NRCAM: variants seen among roughly 807,000 people sequenced by gnomAD.
NRCAM encodes the protein NgCAM-related cell adhesion molecule.
In NRCAM, 83 loss-of-function variants were observed where a neutral mutation model predicts 156.5. That is an observed-to-expected ratio of 0.53 (90% confidence interval 0.44 to 0.64). The LOEUF (loss-of-function observed/expected upper bound fraction) is 0.64, where lower values mean the gene tolerates loss of function less well. Among genes scored for constraint, NRCAM ranks in the 30% least tolerant of loss-of-function variants. The pLI is 0.00. For missense variants in NRCAM, 1,417 were observed against 1,597.3 expected, an observed-to-expected ratio of 0.89 and a Z score of 1.92; for synonymous variants, 538 against 563.9, an observed-to-expected ratio of 0.95 and a Z score of 0.65.
At chr7:108,220,341 A>G (rs1375865312) in intron 11 of NRCAM, among the ~76,000 whole-genome samples, 1 of 152,210 alleles carries the variant, frequency 6.6e-6, no homozygotes, top group Non-Finnish European at 1.5e-5. Context: ...GAATTAGAAA[A>G]AAACATTCTA....
intron 17 of NRCAM, among the ~76,000 whole-genome samples, chr7:108,193,780 T>C (rs1236952221): frequency 6.6e-6 from 1 of 152,228 alleles, no homozygotes; most frequent in Non-Finnish European, 1.5e-5. Context: ...TTTCCCATCC[T>C]GAATTACACA....
chr7:108,269,651 A>T (rs1321688871), intron 3 of NRCAM, among the ~76,000 whole-genome samples: 1 of 152,244 alleles, frequency 6.6e-6, no homozygotes, highest in African/African-American at 2.4e-5. Flanking sequence ...AAAGGTAATG[A>T]ATACAAAGCT....
chr7:108,261,080 G>A (rs1160559736), intron 3 of NRCAM, among the ~76,000 whole-genome samples: 1 of 152,096 alleles, frequency 6.6e-6, no homozygotes, highest in East Asian at 1.9e-4. Flanking sequence ...TGGACAGAAA[G>A]GGGCTGAAAA....
chr7:108,226,466 TCTGTG>T, intron 8 of NRCAM, 88 bp from the exon 9 acceptor site: 3 of 802,758 alleles, frequency 3.7e-6, no homozygotes, highest in Non-Finnish European at 4.0e-6. Context: ...TACTAATAGG[TCTGTG>T]AACTTCATTT....
intron 13 of NRCAM, among the ~76,000 whole-genome samples, chr7:108,206,161 G>A (rs1053254714): frequency 1.3e-5 from 2 of 152,196 alleles, no homozygotes; most frequent in Admixed American, 6.5e-5. Context: ...AGACACAAGT[G>A]AACTTCCAAT....
At chr7:108,270,587 C>T (rs545505902) in intron 3 of NRCAM, among the ~76,000 whole-genome samples, 4 of 152,196 alleles carry the variant, frequency 2.6e-5, no homozygotes, top group Admixed American at 1.3e-4. Flanking sequence ...TCTACACTTA[C>T]GTCCATAGCA....
chr7:108,160,543 A>T, intron 30 of NRCAM, 51 bp from the exon 31 acceptor site: 1 of 1,567,016 alleles, frequency 6.4e-7, no homozygotes, highest in Non-Finnish European at 8.7e-7. Flanking sequence ...GGGAGATGGG[A>T]ACTGCTGCAG....
intron 2 of NRCAM, among the ~76,000 whole-genome samples, chr7:108,390,383 G>A (rs191121873): frequency 6.1e-4 from 93 of 152,152 alleles, no homozygotes; most frequent in Middle Eastern, 3.4e-3. Flanking sequence ...AGAAAATACT[G>A]GTGGTAGTTT....
At chr7:108,447,252 CTTCT>C (rs1230606510) in intron 1 of NRCAM, among the ~76,000 whole-genome samples, 8 of 136,430 alleles carry the variant, frequency 5.9e-5, no homozygotes, top group East Asian at 2.4e-4. Flanking sequence ...GCCAAGTTCA[CTTCT>C]TTCTTTTTTT....
At chr7:108,368,224 A>ACACCCCCCCCCCCCC (rs2099604360) in intron 2 of NRCAM, among the ~76,000 whole-genome samples, 1 of 91,058 alleles carries the variant, frequency 1.1e-5, no homozygotes, top group Non-Finnish European at 2.2e-5. Flanking sequence ...ACACTTTCAT[A>ACACCCCCCCCCCCCC]CCCCCCCCCA....
intron 2 of NRCAM, among the ~76,000 whole-genome samples, chr7:108,398,926 T>C (rs956765390): frequency 6.6e-6 from 1 of 152,172 alleles, no homozygotes; most frequent in South Asian, 2.1e-4. Context: ...GAAAAATATA[T>C]TGGTGGGTAT....
At chr7:108,390,127 G>A (rs2099754822) in intron 2 of NRCAM, among the ~76,000 whole-genome samples, 2 of 152,142 alleles carry the variant, frequency 1.3e-5, no homozygotes, top group South Asian at 2.1e-4. Flanking sequence ...CAGAAGGAAT[G>A]GTACCAGCTC....
chr7:108,257,125 A>AG (rs1388429396), intron 3 of NRCAM, among the ~76,000 whole-genome samples: 1 of 151,734 alleles, frequency 6.6e-6, no homozygotes, highest in African/African-American at 2.4e-5. Flanking sequence ...AAAGAAGAGA[A>AG]AGGAAGGAAG....
Position 108,251,916 on chromosome 7 carries a change from G to A in NRCAM, c.-106-11746C>T, listed in dbSNP as rs372989939. Among the ~76,000 whole-genome samples the A allele has an allele frequency of 3.3e-5, 5 of 152,288 alleles. No individual in the cohort carries two copies. The South Asian group carries it at 6.2e-4, about 19-fold the overall frequency. Reference sequence around the variant, plus strand: ...TATGATTGCATCACTACACTCCAGCGTGGGTGACAGTGCAAGACTGTTTAA... The same window carrying A: ...TATGATTGCATCACTACACTCCAGCATGGGTGACAGTGCAAGACTGTTTAA... On this transcript the variant is annotated intron_variant, in intron 3 of 32. Transcript: ENST00000379028.
At chr7:108,446,846 GCCT>G (rs1331283900) in intron 1 of NRCAM, among the ~76,000 whole-genome samples, 4 of 151,486 alleles carry the variant, frequency 2.6e-5, no homozygotes, top group African/African-American at 4.9e-5. Flanking sequence ...TCCTGCCTCA[GCCT>G]CCTGAGTAGC....
chr7:108,188,198 G>A (rs1434858317), intron 20 of NRCAM, among the ~76,000 whole-genome samples: 2 of 152,276 alleles, frequency 1.3e-5, no homozygotes, highest in East Asian at 3.9e-4. Flanking sequence ...TACACAGGAG[G>A]AGTTCTGCAT....
At chr7:108,356,574 T>C (rs2099500037) in intron 2 of NRCAM, among the ~76,000 whole-genome samples, 3 of 152,152 alleles carry the variant, frequency 2.0e-5, no homozygotes, top group African/African-American at 7.2e-5. Flanking sequence ...ATAAAAAAAT[T>C]GTTCTTTTTT....
At position 108,193,889 on chromosome 7, in the gene NRCAM, C is replaced by T. The variant is rs564414238; in HGVS notation, c.1778+135G>A. 3.3e-4 allele frequency: 262 copies of T among 797,518 alleles called. 1 individual carries two copies. The highest frequency in any genetic ancestry group is 4.8e-4 in the Non-Finnish European group (247 of 516,146). 49.4% of individuals were successfully genotyped at this position (797,518 alleles called of 1,614,324 possible). ...TATATTTTACAGTAGGGAGAAAATG[C>T]TTATCTCTCTATTTTGGAGACAGCA... On this transcript the variant is annotated intron_variant, in intron 17 of 32. Coordinates refer to ENST00000379028, the MANE Select transcript of NRCAM (RefSeq NM_001037132.4).
rs2099759044 is a variant in NRCAM at position 108,391,291 on chromosome 7, C to T, written c.-174+8145G>A. On this transcript the variant is annotated intron_variant, in intron 2 of 32. Transcript: ENST00000379028. ...GTGCATATATATTTAGGATAGTTAG[C>T]TCTTCTTGTTGAATTGATCCCTTTA... Among the ~76,000 whole-genome samples, 5 of 152,098 alleles carry T rather than the reference C, an allele frequency of 3.3e-5. 1 individual carries two copies. In the South Asian group the frequency reaches 8.3e-4, roughly 25 times the overall value.
Sources: gnomAD v4.1 joint callset for allele counts (sites outside exome capture counted in the v4.1 genomes callset) on GRCh38, gnomAD v4.1.1 for gene constraint, MANE v1.5 for transcripts, NCBI Gene and HGNC (gene_info 2026-07-23, HGNC 2026-07-21) for gene names.